The following MATN3 variants were observed in gnomAD, a reference collection of about 807,000 sequenced individuals.
MATN3 encodes matrilin-3.
A neutral mutation model predicts 45.3 loss-of-function variants in MATN3; 48 were observed. That is an observed-to-expected ratio of 1.06 (90% CI 0.84 to 1.35). The LOEUF (loss-of-function observed/expected upper bound fraction) is 1.35, where lower values mean the gene tolerates loss of function less well. Among genes scored for constraint, MATN3 ranks in the 40% most tolerant of loss-of-function variants. MATN3 has a pLI of 0.00. For synonymous variants in MATN3, 217 were observed against 245.9 expected (o/e 0.88, Z 1.10); for missense variants, 599 against 628.0 (o/e 0.95, Z 0.49).
intron 2 of MATN3, 81 bp downstream of exon 2, chr2:20,005,663 A>AAAGG (rs1553327642): frequency 1.8e-6 from 2 of 1,106,616 alleles, no homozygotes; most frequent in South Asian, 3.5e-5. Context: ...CCACCAAAAA[A>AAAGG]GAATAATACT....
In MATN3 at chr2:20,012,501, G is replaced by T; in HGVS notation, c.131C>A (p.Pro44His). Residue 44 changes from proline to histidine, a missense_variant, in exon 1 of 8, where the codon CCC becomes CAC. Transcript: ENST00000407540. The surrounding 1 kb of genome is among the most constrained non-coding windows in gnomAD (Gnocchi z 4.3). ...GGGGCGGCGTCCAGGGCTGCCCCCG[G>T]GACCTCGGGTCTCCAGCCTCCGGAA... ...PGFRRLETRG[P>H]GGSPGRRPSP... 8.1e-7 allele frequency: 1 copy of T among 1,228,762 alleles called. No individual in the cohort carries two copies. The highest frequency in any genetic ancestry group is 4.1e-5 in the South Asian group (1 of 24,434). 76.1% of individuals were successfully genotyped at this position (1,228,762 alleles called of 1,614,324 possible).
At chr2:20,002,664 A>G (rs866849553) in intron 3 of MATN3, among the ~76,000 whole-genome samples, 1 of 152,238 alleles carries the variant, frequency 6.6e-6, no homozygotes, top group Middle Eastern at 3.4e-3. Context: ...CAGAGGCATT[A>G]TCATAGCTCA....
intron 1 of MATN3, among the ~76,000 whole-genome samples, chr2:20,008,208 C>A (rs548418327): frequency 6.6e-6 from 1 of 152,294 alleles, no homozygotes; most frequent in African/African-American, 2.4e-5. Context: ...GGTGATCCTC[C>A]CACCTTGGCC....
chr2:20,007,514 A>T (rs980457710), intron 1 of MATN3, among the ~76,000 whole-genome samples: 1 of 143,798 alleles, frequency 7.0e-6, no homozygotes, highest in Non-Finnish European at 1.5e-5. Flanking sequence ...GGGCAATAAG[A>T]GCAAGACATC....
chr2:20,004,350 A>C (rs1459868482), intron 2 of MATN3: 2 of 152,264 alleles, frequency 1.3e-5, no homozygotes, highest in Admixed American at 1.3e-4. Flanking sequence ...CTAGCTTTGA[A>C]ACCCAACTTT....
rs756842419 is a variant in MATN3, at chr2:20,001,925, AG to A, written c.1042+29del. ...CGGGTAGGTAGGCAGAGAGCTAAGT[AG>A]CAATAGTAAAGACTCCTCCCTCACT... On this transcript the variant is annotated intron_variant, in intron 4 of 7. Coordinates refer to ENST00000407540, the MANE Select transcript of MATN3 (RefSeq NM_002381.5). 23 of 1,607,198 alleles carry A rather than the reference AG, an allele frequency of 1.4e-5. 1 individual carries two copies. The Middle Eastern group carries it at 8.3e-4, about 58-fold the overall frequency.
chr2:19,998,651 G>A (rs927782787), intron 5 of MATN3, among the ~76,000 whole-genome samples: 4 of 152,086 alleles, frequency 2.6e-5, no homozygotes, highest in Non-Finnish European at 5.9e-5. Context: ...TAGCTACTCA[G>A]GAGGCTGAGA....
chr2:20,003,003 C>T (rs1673016895), intron 3 of MATN3, among the ~76,000 whole-genome samples, 158 bp downstream of exon 3: 1 of 152,212 alleles, frequency 6.6e-6, no homozygotes, highest in Admixed American at 6.5e-5. Context: ...TCTCCCTAAG[C>T]TCCTTTTCAG....
intron 5 of MATN3, among the ~76,000 whole-genome samples, chr2:19,998,950 A>G (rs1038218798): frequency 3.3e-5 from 5 of 152,224 alleles, no homozygotes; most frequent in Middle Eastern, 3.4e-3. Context: ...CAGAGTAACC[A>G]TGGGCAAGTT....
rs2103487247 is a variant in MATN3 at position 20,012,605 on chromosome 2, G to A, written c.27C>T (p.Arg9=). The change falls in exon 1 of 8, where the codon CGC becomes CGT. Residue 9 remains arginine, a synonymous_variant. Coordinates refer to ENST00000407540, the MANE Select transcript of MATN3 (RefSeq NM_002381.5). This position sits in a 1 kb window ranked among gnomAD's most constrained non-coding sequence, Gnocchi z 4.3. MPRPAPAR[R]LPGLLLLLWP... The stretch of plus-strand genomic sequence containing the variant: ...AGAGCAGCAGGAGGAGTCCCGGGAG[G>A]CGGCGCGCGGGGGCCGGGCGCGGCA... 8.2e-7 allele frequency: 1 copy of A among 1,221,098 alleles called. No individual in the cohort carries two copies. The highest frequency in any genetic ancestry group is 1.0e-6 in the Non-Finnish European group (1 of 981,634). The allele number at this position is 1,221,098 out of a possible 1,614,324, so 75.6% of individuals were successfully genotyped here.
In MATN3 at chr2:20,012,494, G is replaced by GC. The variant is rs1318012982; in HGVS notation, c.137dup (p.Ser47GlnfsTer43). Reference sequence around the variant, plus strand: ...CAGGAGAGGGGCGGCGTCCAGGGCTGCCCCCGGGACCTCGGGTCTCCAGCC... The same window carrying GC: ...CAGGAGAGGGGCGGCGTCCAGGGCTGCCCCCCGGGACCTCGGGTCTCCAGCC... On this transcript the variant is annotated frameshift_variant, in exon 1 of 8. Transcript: ENST00000407540. LOFTEE classifies it high-confidence loss of function. This position sits in a 1 kb window ranked among gnomAD's most constrained non-coding sequence, Gnocchi z 4.3. 1 of 1,229,216 alleles carries GC rather than the reference G, an allele frequency of 8.1e-7. No homozygotes were observed. The highest frequency in any genetic ancestry group is 3.2e-5 in the East Asian group (1 of 31,526). 76.1% of individuals were successfully genotyped at this position (1,229,216 alleles called of 1,614,324 possible).
intron 1 of MATN3, among the ~76,000 whole-genome samples, chr2:20,010,378 T>C (rs540840178): frequency 4.5e-4 from 69 of 152,256 alleles, no homozygotes; most frequent in African/African-American, 1.6e-3. Context: ...GGGTGTGGTA[T>C]GCAGAATAAT....
intron 7 of MATN3, 149 bp from the exon 8 acceptor site, chr2:19,993,315 G>C: frequency 1.5e-6 from 1 of 683,832 alleles, no homozygotes; most frequent in Non-Finnish European, 2.5e-6. Flanking sequence ...GTTGAATTCA[G>C]TCTAAAAGTC....
intron 3 of MATN3, 148 bp downstream of exon 3, chr2:20,003,013 G>T: frequency 1.3e-6 from 1 of 793,062 alleles, no homozygotes. Flanking sequence ...CTCCTTTTCA[G>T]GGAAAACTGC....
At chr2:19,997,107 A>G in intron 6 of MATN3, 27 bp downstream of exon 6, 1 of 1,609,548 alleles carries the variant, frequency 6.2e-7, no homozygotes. Flanking sequence ...CTACCAAAGG[A>G]AATAGCCTTA....
At chr2:19,998,038 C>A (rs1247054496) in intron 5 of MATN3, among the ~76,000 whole-genome samples, 1 of 152,208 alleles carries the variant, frequency 6.6e-6, no homozygotes, top group Non-Finnish European at 1.5e-5. Context: ...TCTGCCATTG[C>A]AGGAACCAAA....
Position 19,994,291 on chromosome 2 carries a change from A to G in MATN3, c.1405+8T>C. The G allele has an allele frequency of 1.3e-6, 2 of 1,595,380 alleles. No homozygotes were observed. Among genetic ancestry groups the G allele is most frequent in the Non-Finnish European group, 1.7e-6 (2 of 1,164,384 alleles). On this transcript the variant is annotated splice_region_variant and intron_variant, in intron 7 of 7. Coordinates refer to ENST00000407540, the MANE Select transcript of MATN3 (RefSeq NM_002381.5). ...AGGCAGAAGGAGAAAACCTTCCAGA[A>G]AGGATATGTTTAGTGTTCAGTCTTT... is the stretch of plus-strand genomic sequence containing the variant.
Position 19,994,490 on chromosome 2 carries a change from G to C in MATN3, c.1295-81C>G, listed in dbSNP as rs1672822938. 8.5e-6 allele frequency: 7 copies of C among 825,850 alleles called. No homozygotes were observed. The South Asian group carries it at 1.1e-4, about 14-fold the overall frequency. 51.2% of individuals were successfully genotyped at this position (825,850 alleles called of 1,614,324 possible). A position where few individuals can be genotyped will look rare whatever the true frequency, so the allele number is the denominator to read the frequency against. On this transcript the variant is annotated intron_variant, in intron 6 of 7. Coordinates refer to ENST00000407540, the MANE Select transcript of MATN3 (RefSeq NM_002381.5). ...ATAACAAATCAGGAAATCCACAGTT[G>C]AATATTTCCACCGTTAAGACTTACC...
rs555119156 is a variant in MATN3, at chr2:20,004,495, T to A, written c.791-1209A>T. Among the ~76,000 whole-genome samples the A allele has an allele frequency of 1.1e-4, 17 of 152,298 alleles. No homozygotes were observed. The South Asian group carries it at 3.3e-3, about 30-fold the overall frequency. On this transcript the variant is annotated intron_variant, in intron 2 of 7. Transcript: ENST00000407540. ...AAGTAGATGCCACCAAAGCCAGTGA[T>A]GGCTTGTGAAAGCCCAGTGTCCTGG...
Sources: gnomAD v4.1 joint callset for allele counts (sites outside exome capture counted in the v4.1 genomes callset) on GRCh38, gnomAD v4.1.1 for gene constraint, Gnocchi (gnomAD v3.1) non-coding constraint, MANE v1.5 for transcripts, NCBI Gene and HGNC (gene_info 2026-07-23, HGNC 2026-07-21) for gene names.